Variants in SMARCA4 observed in about 807,000 individuals in gnomAD.
SMARCA4 encodes the protein SWI/SNF related BAF chromatin remodeling complex subunit ATPase 4, also known as SWI/SNF-related matrix-associated actin-dependent regulator of chromatin subfamily A member 4.
In SMARCA4, 31 loss-of-function variants were observed where a neutral mutation model predicts 193.9. That is an observed-to-expected ratio of 0.16 (90% CI 0.12 to 0.22). The LOEUF is 0.22. Ranked by LOEUF, SMARCA4 falls within the 10% of genes least tolerant of loss-of-function variation. The probability of loss-of-function intolerance (pLI) is 1.00; values close to 1 mark genes in which losing one functional copy is unlikely to be tolerated. For synonymous variants in SMARCA4, 942 were observed against 933.1 expected, an observed-to-expected ratio of 1.01 and a Z score of -0.17; for missense variants, 1,148 against 2,296.0, an observed-to-expected ratio of 0.50 and a Z score of 10.22.
intron 1 of SMARCA4, among the ~76,000 whole-genome samples, chr19:10,961,943 T>G (rs1156724228): frequency 2.0e-5 from 3 of 152,144 alleles, no homozygotes; most frequent in African/African-American, 7.2e-5. Flanking sequence ...GGCGAGTGTT[T>G]TGTCCCGATC....
rs1159684382 is a variant in SMARCA4 at position 10,986,270 on chromosome 19, C to T, written c.437C>T (p.Ser146Phe). The T allele has an allele frequency of 1.9e-6, 3 of 1,613,796 alleles. No homozygotes were observed. Residue 146 changes from serine (S) to phenylalanine (F), a missense_variant, in exon 4 of 35, where the codon TCT (serine) becomes TTT (phenylalanine). Ser to Phe is a radical substitution (Grantham distance 155). Transcript: ENST00000344626. This position sits in a 1 kb window ranked among gnomAD's most constrained non-coding sequence, Gnocchi z 6.7. Reference protein sequence around the residue: ...ASGPSSGPQMSSGPGGAPLDG... With the variant: ...ASGPSSGPQMFSGPGGAPLDG... ...GGCCCGTCTTCGGGGCCCCAGATGTCTTCCGGGCCAGGAGGTGCCCCGCTG... is the reference window on the plus strand; with the variant it reads ...GGCCCGTCTTCGGGGCCCCAGATGTTTTCCGGGCCAGGAGGTGCCCCGCTG...
rs748340475 is a variant in SMARCA4, at chr19:10,986,333, G to A, written c.500G>A (p.Arg167Gln). 8 of 1,613,118 alleles carry A rather than the reference G, an allele frequency of 5.0e-6. No individual in the cohort carries two copies. Among genetic ancestry groups the A allele is most frequent in the East Asian group, 4.5e-5 (2 of 44,876 alleles). ...CCCCAGGCCTTGGGGCAGCAGAACC[G>A]GGGCCCAACCCCATTTAACCAGAAC... is the stretch of plus-strand genomic sequence containing the variant. ...ADPQALGQQNRGPTPFNQNQL... is the reference protein window; with the variant it reads ...ADPQALGQQNQGPTPFNQNQL... The change falls in exon 4 of 35, where the codon CGG (arginine) becomes CAG (glutamine). Residue 167 changes from arginine to glutamine, a missense_variant. By Grantham distance (43) the Arg-to-Gln change is conservative. Around this residue, in one of 17 missense-constraint regions of SMARCA4, gnomAD observed 201 missense variants for 248.3 expected, o/e 0.81. Coordinates refer to ENST00000344626, the MANE Select transcript of SMARCA4 (RefSeq NM_003072.5). This position sits in a 1 kb window ranked among gnomAD's most constrained non-coding sequence, Gnocchi z 6.7.
In SMARCA4 at chr19:10,984,397, G is replaced by C. The variant is rs377184052; in HGVS notation, c.222+24G>C. On this transcript the variant is annotated intron_variant, in intron 2 of 34. Transcript: ENST00000344626. The surrounding 1 kb of genome is among the most constrained non-coding windows in gnomAD (Gnocchi z 4.3). ...AGGTAGGGATCCCTGTGCCCGCCTC[G>C]CACCTGCGGCCTCTGCCCACTAGGG... is the stretch of plus-strand genomic sequence containing the variant. 1.3e-6 allele frequency: 2 copies of C among 1,557,800 alleles called. No individual in the cohort carries two copies. Among genetic ancestry groups the C allele is most frequent in the Non-Finnish European group, 1.7e-6 (2 of 1,151,034 alleles).
chr19:10,973,735 A>G (rs1393391967), intron 1 of SMARCA4, among the ~76,000 whole-genome samples: 1 of 151,470 alleles, frequency 6.6e-6, no homozygotes, highest in Non-Finnish European at 1.5e-5. Context: ...ACGCCCGGCT[A>G]ATTTTTTGTA....
intron 1 of SMARCA4, among the ~76,000 whole-genome samples, chr19:10,964,936 TC>T (rs2084098331): frequency 6.6e-6 from 1 of 152,316 alleles, no homozygotes; most frequent in Admixed American, 6.5e-5. Context: ...GGTGGAACTT[TC>T]TATCAGTAAG....
At chr19:11,023,196 A>G (rs2090000026) in intron 19 of SMARCA4, among the ~76,000 whole-genome samples, 1 of 152,114 alleles carries the variant, frequency 6.6e-6, no homozygotes. Context: ...TGGACACTCC[A>G]GTTTGTGTTA....
Position 10,984,957 on chromosome 19 carries a change from A to G in SMARCA4, c.223-316A>G, listed in dbSNP as rs1158952605. Among the ~76,000 whole-genome samples, 2 of 152,202 alleles carry G rather than the reference A, an allele frequency of 1.3e-5. No individual in the cohort carries two copies. Among genetic ancestry groups the G allele is most frequent in the African/African-American group, 4.8e-5 (2 of 41,454 alleles). The stretch of plus-strand genomic sequence containing the variant: ...AGCATCTGAAAGGAAAGGTCATATT[A>G]GCATCCATGAGAAAAGGTGACATTT... On this transcript the variant is annotated intron_variant, in intron 2 of 34. Transcript: ENST00000344626. The surrounding 1 kb of genome is among the most constrained non-coding windows in gnomAD (Gnocchi z 4.3).
At chr19:11,013,920 C>T (rs1008316511) in intron 16 of SMARCA4, among the ~76,000 whole-genome samples, 19 of 152,140 alleles carry the variant, frequency 1.2e-4, no homozygotes, top group African/African-American at 4.6e-4. Flanking sequence ...AGTCCGCCCC[C>T]CTGCCCACCT....
At chr19:11,005,744 T>C (rs1421336276) in intron 13 of SMARCA4, among the ~76,000 whole-genome samples, 2 of 152,204 alleles carry the variant, frequency 1.3e-5, no homozygotes, top group Non-Finnish European at 2.9e-5. Flanking sequence ...TGTCCAGAGC[T>C]GAGGCAGAAG....
At chr19:11,012,181 G>A (rs2088913399) in intron 15 of SMARCA4, among the ~76,000 whole-genome samples, 1 of 152,082 alleles carries the variant, frequency 6.6e-6, no homozygotes, top group Non-Finnish European at 1.5e-5. Context: ...AGACCAGGCT[G>A]GCCAACATGA....
chr19:11,016,709 C>T (rs1375383585), intron 16 of SMARCA4, among the ~76,000 whole-genome samples: 5 of 152,254 alleles, frequency 3.3e-5, no homozygotes, highest in East Asian at 1.9e-4. Flanking sequence ...CTCCAGGCTA[C>T]GCACCAGTGG....
At chr19:10,989,277 CA>C (rs1243408874) in intron 6 of SMARCA4, 39 bp from the exon 7 acceptor site, 2 of 1,612,418 alleles carry the variant, frequency 1.2e-6, no homozygotes, top group African/African-American at 2.7e-5. Flanking sequence ...GGTGCCCTGG[CA>C]ACCCTCTCAC....
rs369280534 is a variant in SMARCA4 at position 11,056,060 on chromosome 19, C to G, written c.4425-2195C>G. ...ACAGGTATAGGGTGGATGCTGCCAT[C>G]ATGAAGAGAGAGGAGAGCTCTTTGC... On this transcript the variant is annotated intron_variant, in intron 30 of 34. Transcript: ENST00000344626. Among the ~76,000 whole-genome samples, 15 of 152,244 alleles carry G rather than the reference C, an allele frequency of 9.9e-5. No individual in the cohort carries two copies. In the East Asian group the frequency reaches 2.9e-3, roughly 29 times the overall value.
chr19:11,054,385 T>C (rs1447564064), intron 30 of SMARCA4, among the ~76,000 whole-genome samples: 2 of 152,136 alleles, frequency 1.3e-5, no homozygotes, highest in Non-Finnish European at 2.9e-5. Flanking sequence ...CAGGCCAGGT[T>C]TGGGGGCTCC....
At position 11,033,540 on chromosome 19, in the gene SMARCA4, C is replaced by A. The variant is rs759403911; in HGVS notation, c.3774+23C>A. ...GAGGTGAGCCCAGCACCGGCCCCGA[C>A]CCCTCCCCAGCGTGAATGGTGGACG... On this transcript the variant is annotated intron_variant, in intron 26 of 34. Transcript: ENST00000344626. This position sits in a 1 kb window ranked among gnomAD's most constrained non-coding sequence, Gnocchi z 9.8. The A allele has an allele frequency of 4.4e-6, 7 of 1,579,508 alleles. No homozygotes were observed. The South Asian group carries it at 6.6e-5, about 15-fold the overall frequency.
intron 1 of SMARCA4, among the ~76,000 whole-genome samples, chr19:10,963,522 G>A (rs1294943783): frequency 6.6e-6 from 1 of 152,098 alleles, no homozygotes; most frequent in Non-Finnish European, 1.5e-5. Flanking sequence ...TACAAAGTGT[G>A]GGGTGGTGGT....
intron 30 of SMARCA4, among the ~76,000 whole-genome samples, chr19:11,057,659 G>A (rs1434719180): frequency 7.9e-5 from 12 of 152,010 alleles, no homozygotes; most frequent in Admixed American, 7.9e-4. Context: ...AGCCCAGGAG[G>A]CAGAGGTTGC....
chr19:11,020,413 T>C (rs539693649), intron 18 of SMARCA4, among the ~76,000 whole-genome samples: 4 of 151,406 alleles, frequency 2.6e-5, no homozygotes, highest in African/African-American at 7.3e-5. Context: ...TTTTGCGTTT[T>C]GGTTTTTTTT....
rs199768330 is a variant in SMARCA4, at chr19:10,984,396, C to T, written c.222+23C>T. On this transcript the variant is annotated intron_variant, in intron 2 of 34. Coordinates refer to ENST00000344626, the MANE Select transcript of SMARCA4 (RefSeq NM_003072.5). The surrounding 1 kb of genome is among the most constrained non-coding windows in gnomAD (Gnocchi z 4.3). ...AAGGTAGGGATCCCTGTGCCCGCCT[C>T]GCACCTGCGGCCTCTGCCCACTAGG... 417 of 1,558,722 alleles carry T rather than the reference C, an allele frequency of 2.7e-4. 6 individuals carry two copies. In the East Asian group the frequency reaches 3.7e-3, roughly 14 times the overall value.
Sources: gnomAD v4.1 joint callset for allele counts (sites outside exome capture counted in the v4.1 genomes callset) on GRCh38, gnomAD v4.1.1 for gene constraint, gnomAD v4.1.1 regional missense constraint, Gnocchi (gnomAD v3.1) non-coding constraint, MANE v1.5 for transcripts, NCBI Gene and HGNC (gene_info 2026-07-23, HGNC 2026-07-21) for gene names.